DHX40: variants seen among roughly 807,000 people sequenced by gnomAD.
The protein encoded by DHX40 is probable ATP-dependent RNA helicase DHX40.
A neutral mutation model predicts 89.6 loss-of-function variants in DHX40; 28 were observed. The ratio of observed to expected loss-of-function variants is 0.31; its 90% CI spans 0.23 to 0.43. DHX40 has a LOEUF of 0.43. Among genes scored for constraint, DHX40 ranks in the 20% least tolerant of loss-of-function variants. The pLI, the probability that DHX40 is intolerant of heterozygous loss-of-function variation, is 1.00. For synonymous variants in DHX40, 226 were observed against 283.6 expected (o/e 0.80, Z 2.04); for missense variants, 457 against 844.0 (o/e 0.54, Z 5.68).
intron 12 of DHX40, among the ~76,000 whole-genome samples, 167 bp downstream of exon 12, chr17:59,588,220 A>G (rs1483725326): frequency 2.3e-5 from 3 of 129,248 alleles, no homozygotes; most frequent in South Asian, 2.3e-4. Context: ...CATCTCTACT[A>G]AAAAAAAAAA....
intron 12 of DHX40, among the ~76,000 whole-genome samples, chr17:59,592,166 C>T (rs1290589524): frequency 6.6e-6 from 1 of 151,582 alleles, no homozygotes; most frequent in East Asian, 1.9e-4. Flanking sequence ...CCACTATGCC[C>T]GGCCTAAAGT....
rs1410976645 is a variant in DHX40 at position 59,599,912 on chromosome 17, C to T, written c.1806+429C>T. 2.7e-5 allele frequency among the ~76,000 whole-genome samples: 4 copies of T among 150,412 alleles called. No homozygotes were observed. The East Asian group carries it at 7.8e-4, about 29-fold the overall frequency. ...GATCTCGGCTCACTGCAATCTCCAC[C>T]TCCCAGGTTTAAGCAATTCTTCTGC... On this transcript the variant is annotated intron_variant, in intron 14 of 17. Transcript: ENST00000251241.
At chr17:59,580,765 G>A (rs879437423) in intron 10 of DHX40, among the ~76,000 whole-genome samples, 4 of 151,148 alleles carry the variant, frequency 2.6e-5, no homozygotes, top group Admixed American at 6.6e-5. Flanking sequence ...GGTCCAGCCT[G>A]GGCAACAGAG....
At chr17:59,577,966 G>A (rs2048908525) in intron 8 of DHX40, among the ~76,000 whole-genome samples, 1 of 152,098 alleles carries the variant, frequency 6.6e-6, no homozygotes, top group Non-Finnish European at 1.5e-5. Flanking sequence ...TGGATGTATT[G>A]TCTCTGACTT....
intron 3 of DHX40, among the ~76,000 whole-genome samples, chr17:59,572,439 C>A (rs1567862098): frequency 6.6e-6 from 1 of 152,154 alleles, no homozygotes; most frequent in Admixed American, 6.5e-5. Flanking sequence ...AGTGCAATGG[C>A]GTGATCTCAG....
intron 8 of DHX40, 92 bp downstream of exon 8, chr17:59,577,457 C>T (rs1021541534): frequency 3.8e-5 from 34 of 903,148 alleles, no homozygotes; most frequent in Non-Finnish European, 5.6e-5. Flanking sequence ...CTGTGCCCTC[C>T]ACTAATTCCC....
Position 59,588,047 on chromosome 17 carries a change from A to G in DHX40, c.1576A>G (p.Arg526Gly). 1.2e-6 allele frequency: 2 copies of G among 1,613,082 alleles called. No homozygotes were observed. The highest frequency in any genetic ancestry group is 1.7e-6 in the Non-Finnish European group (2 of 1,179,538). ...AMLSVENVFI[R>G]PVDPEYQKEA... ...GTTGTCTGTGGAAAACGTCTTCATTAGACCTGGTAAGATGTTTATTTTAAG... is the reference window on the plus strand; with the variant it reads ...GTTGTCTGTGGAAAACGTCTTCATTGGACCTGGTAAGATGTTTATTTTAAG... The change falls in exon 12 of 18, where the codon AGA becomes GGA. Residue 526 changes from arginine to glycine, a missense_variant. Arg to Gly is a moderately radical substitution (Grantham distance 125). Coordinates refer to ENST00000251241, the MANE Select transcript of DHX40 (RefSeq NM_024612.5).
rs150466039 is a variant in DHX40 at position 59,572,517 on chromosome 17, T to A, written c.427-599T>A. The stretch of plus-strand genomic sequence containing the variant: ...TCTCAGCCTCCCAAGTAGCTGGGAC[T>A]ACAGGCGTGACCCACCACACCTGGC... On this transcript the variant is annotated intron_variant, in intron 3 of 17. Coordinates refer to ENST00000251241, the MANE Select transcript of DHX40 (RefSeq NM_024612.5). Among the ~76,000 whole-genome samples, 959 of 152,302 alleles carry A rather than the reference T, an allele frequency of 6.3e-3. 16 individuals carry two copies. The highest frequency in any genetic ancestry group is 0.022 in the African/African-American group (927 of 41,568).
Position 59,587,893 on chromosome 17 carries a change from A to G in DHX40, c.1425-3A>G, listed in dbSNP as rs544124117. On this transcript the variant is annotated splice_region_variant and splice_polypyrimidine_tract_variant and intron_variant, in intron 11 of 17. Coordinates refer to ENST00000251241, the MANE Select transcript of DHX40 (RefSeq NM_024612.5). ...GACTTACAAACTTTTTCTTTGTATT[A>G]AGGAGTGGCCATGTCACCAGATTGG... 1.7e-5 allele frequency: 27 copies of G among 1,610,680 alleles called. No individual in the cohort carries two copies. Among genetic ancestry groups the G allele is most frequent in the East Asian group, 2.2e-5 (1 of 44,852 alleles).
At chr17:59,577,793 T>C (rs905986248) in intron 8 of DHX40, among the ~76,000 whole-genome samples, 1 of 152,036 alleles carries the variant, frequency 6.6e-6, no homozygotes, top group Non-Finnish European at 1.5e-5. Flanking sequence ...AAGCTTCTTT[T>C]CAAATTTAAG....
At chr17:59,572,130 TGAA>T (rs2143217789) in intron 3 of DHX40, among the ~76,000 whole-genome samples, 1 of 152,340 alleles carries the variant, frequency 6.6e-6, no homozygotes, top group South Asian at 2.1e-4. Flanking sequence ...TTTTTAATAG[TGAA>T]TATTATAATT....
chr17:59,595,076 T>A (rs998196723), intron 12 of DHX40, among the ~76,000 whole-genome samples: 1 of 134,170 alleles, frequency 7.5e-6, no homozygotes, highest in South Asian at 2.6e-4. Flanking sequence ...ATTTGTAGAT[T>A]TTTTGTTTTT....
intron 2 of DHX40, among the ~76,000 whole-genome samples, chr17:59,567,659 G>A (rs2143185797): frequency 6.6e-6 from 1 of 152,240 alleles, no homozygotes; most frequent in Non-Finnish European, 1.5e-5. Context: ...GGGCACAGTG[G>A]CTCACGCCTG....
At chr17:59,573,050 T>C in intron 3 of DHX40, 66 bp from the exon 4 acceptor site, 4 of 1,543,280 alleles carry the variant, frequency 2.6e-6, no homozygotes, top group Middle Eastern at 1.7e-4. Context: ...TGTTTGTACC[T>C]CTTGAGGAAA....
At chr17:59,567,537 A>C (rs1288481315) in intron 2 of DHX40, among the ~76,000 whole-genome samples, 3 of 152,172 alleles carry the variant, frequency 2.0e-5, no homozygotes, top group Non-Finnish European at 4.4e-5. Flanking sequence ...TTCTGTCTAT[A>C]CAATCAGCCT....
chr17:59,567,932 CA>C (rs1276414487), intron 2 of DHX40, among the ~76,000 whole-genome samples: 113 of 96,994 alleles, frequency 1.2e-3, no homozygotes, highest in Admixed American at 1.2e-3. Flanking sequence ...ACTCCGTCTC[CA>C]AAAAAAAAAA....
chr17:59,570,212 T>A (rs1032147444), intron 2 of DHX40, among the ~76,000 whole-genome samples: 2 of 122,534 alleles, frequency 1.6e-5, no homozygotes, highest in African/African-American at 6.9e-5. Context: ...TAATATATAT[T>A]ATATATTAAA....
intron 2 of DHX40, among the ~76,000 whole-genome samples, chr17:59,568,105 A>G (rs1434494030): frequency 1.3e-5 from 2 of 151,030 alleles, no homozygotes; most frequent in East Asian, 4.0e-4. Flanking sequence ...GCGGGCGCCT[A>G]TAATCCCAGC....
chr17:59,575,770 TGAAA>T (rs1420425351), intron 7 of DHX40: 1 of 310,138 alleles, frequency 3.2e-6, no homozygotes, highest in African/African-American at 2.2e-5. Context: ...GAGAATTCTT[TGAAA>T]TGAGGACAGT....
Sources: gnomAD v4.1 joint callset for allele counts (sites outside exome capture counted in the v4.1 genomes callset) on GRCh38, gnomAD v4.1.1 for gene constraint, MANE v1.5 for transcripts, NCBI Gene and HGNC (gene_info 2026-07-23, HGNC 2026-07-21) for gene names.